Variants in ANGPTL6 observed in about 807,000 individuals in gnomAD.
The protein encoded by ANGPTL6 is angiopoietin like 6, also known as angiopoietin-related protein 6.
ANGPTL6 carries 45 observed loss-of-function variants against 47.4 expected under a neutral mutation model. The ratio of observed to expected loss-of-function variants is 0.95; its 90% CI spans 0.75 to 1.22. The LOEUF is 1.22. Among genes scored for constraint, ANGPTL6 ranks in the 50% most tolerant of loss-of-function variants. The probability of loss-of-function intolerance (pLI) is 0.00; values close to 1 mark genes in which losing one functional copy is unlikely to be tolerated. For synonymous variants in ANGPTL6, 290 were observed against 295.9 expected, an observed-to-expected ratio of 0.98 and a Z score of 0.20; for missense variants, 698 against 669.4, an observed-to-expected ratio of 1.04 and a Z score of -0.47.
rs147114043 is a variant in ANGPTL6 at position 10,099,159 on chromosome 19, C to T, written c.-10-2586G>A. The stretch of plus-strand genomic sequence containing the variant: ...ATCCTCAACCCCAGGTCTAGTCTCT[C>T]TGACAGCAGCCAGAGGGCGCCTGTG... On this transcript the variant is annotated intron_variant, in intron 1 of 5. Transcript: ENST00000253109. Among the ~76,000 whole-genome samples, 10 of 152,330 alleles carry T rather than the reference C, an allele frequency of 6.6e-5. No individual in the cohort carries two copies. The East Asian group carries it at 1.9e-3, about 29-fold the overall frequency.
chr19:10,093,547 C>A lies in ANGPTL6; in HGVS notation c.1024G>T (p.Asp342Tyr). The A allele has an allele frequency of 1.2e-6, 2 of 1,614,104 alleles. No homozygotes were observed. Among genetic ancestry groups the A allele is most frequent in the Non-Finnish European group, 1.7e-6 (2 of 1,179,998 alleles). ...TCCAGGAGAACCAGCAGCTCATGGT[C>A]CCCACGGCTGGTCAGCTGATACACG... ...EPVYQLTSRG[D>Y]HELLVLLEDW... The change falls in exon 5 of 6, where the codon GAC (aspartate) becomes TAC (tyrosine). Residue 342 changes from aspartate to tyrosine, a missense_variant. Physicochemically the swap from Asp to Tyr is radical, Grantham distance 160. Coordinates refer to ENST00000253109, the MANE Select transcript of ANGPTL6 (RefSeq NM_031917.3).
upstream of ANGPTL6, chr19:10,102,743 G>A (rs1373237356): frequency 2.0e-6 from 2 of 984,642 alleles, no homozygotes; most frequent in South Asian, 9.4e-5. Flanking sequence ...GAGTGGAGCT[G>A]GGATGCTGGG....
In ANGPTL6 at chr19:10,096,006, C is replaced by A; in HGVS notation, c.558G>T (p.Pro186=). Residue 186 remains proline, a synonymous_variant, in exon 2 of 6, where the codon CCG becomes CCT. Transcript: ENST00000253109. ...SLIARLERLC[P]GGAGGQQQVL... Reference sequence around the variant, plus strand: ...CCTGCTGCTGCCCGCCCGCGCCTCCCGGGCACAGGCGCTCCAGGCGGGCGA... The same window carrying A: ...CCTGCTGCTGCCCGCCCGCGCCTCCAGGGCACAGGCGCTCCAGGCGGGCGA... 7.4e-7 allele frequency: 1 copy of A among 1,352,072 alleles called. No homozygotes were observed. 83.8% of individuals were successfully genotyped at this position (1,352,072 alleles called of 1,614,324 possible). A position where few individuals can be genotyped will look rare whatever the true frequency, so the allele number is the denominator to read the frequency against.
upstream of ANGPTL6, among the ~76,000 whole-genome samples, chr19:10,103,834 C>T (rs923764288): frequency 1.3e-4 from 19 of 150,750 alleles, no homozygotes; most frequent in South Asian, 2.1e-4. Context: ...GTGGCTCACG[C>T]CTGTAATCCC....
intron 3 of ANGPTL6, 79 bp downstream of exon 3, chr19:10,094,679 A>T: frequency 1.3e-6 from 2 of 1,539,854 alleles, no homozygotes; most frequent in Non-Finnish European, 1.8e-6. Context: ...TCTTCTCACA[A>T]TGAGAGAAAT....
At chr19:10,106,057 A>G (rs2088812075), upstream of ANGPTL6, among the ~76,000 whole-genome samples, 1 of 152,184 alleles carries the variant, frequency 6.6e-6, no homozygotes, top group Non-Finnish European at 1.5e-5. Context: ...GGCCCGGGGG[A>G]CATTATCAGC....
At position 10,093,733 on chromosome 19, in the gene ANGPTL6, T is replaced by C; in HGVS notation, c.911A>G (p.Asp304Gly). Residue 304 changes from aspartate (D) to glycine (G), a missense_variant, in exon 4 of 6, where the codon GAT (aspartate) becomes GGT (glycine). Transcript: ENST00000253109. Reference protein sequence around the residue: ...GGWTVIQRRQDGSVNFFTTWQ... With the variant: ...GGWTVIQRRQGGSVNFFTTWQ... ...GGTAGTGAAGAAGTTGACTGAACCA[T>C]CTTGCCTCCGCTGGATCACAGTCCA... 6.2e-7 allele frequency: 1 copy of C among 1,614,244 alleles called. No homozygotes were observed. Among genetic ancestry groups the C allele is most frequent in the Non-Finnish European group, 8.5e-7 (1 of 1,180,042 alleles).
At chr19:10,106,135 G>A, upstream of ANGPTL6, 1 of 607,684 alleles carries the variant, frequency 1.6e-6, no homozygotes, top group Non-Finnish European at 2.8e-6. Flanking sequence ...GAGGAAATGG[G>A]CCGAAGCGGG....
In ANGPTL6 at chr19:10,096,050, T is replaced by A. The variant is rs1463676826; in HGVS notation, c.514A>T (p.Thr172Ser). 4.8e-6 allele frequency: 7 copies of A among 1,460,882 alleles called. No individual in the cohort carries two copies. The highest frequency in any genetic ancestry group is 6.3e-6 in the Non-Finnish European group (7 of 1,106,350). 90.5% of individuals were successfully genotyped at this position (1,460,882 alleles called of 1,614,324 possible). A position where few individuals can be genotyped will look rare whatever the true frequency, so the allele number is the denominator to read the frequency against. Residue 172 changes from threonine to serine, a missense_variant, in exon 2 of 6, where the codon ACC (threonine) becomes TCC (serine). Thr to Ser is a moderately conservative substitution (Grantham distance 58). Coordinates refer to ENST00000253109, the MANE Select transcript of ANGPTL6 (RefSeq NM_031917.3). ...CGGGCGATGAGACTGCTCTGCTGGG[T>A]GACGAGCTGCGCCAGCTCGCGGAAC... ...VKFRELAQLV[T>S]QQSSLIARLE...
chr19:10,106,176 C>T (rs917315634), upstream of ANGPTL6: 33 of 772,542 alleles, frequency 4.3e-5, no homozygotes, highest in Non-Finnish European at 6.1e-5. Context: ...TTCTCTGCAG[C>T]CCGGAGCCGC....
At position 10,101,933 on chromosome 19, in the gene ANGPTL6, G is replaced by A. The variant is rs1211799636; in HGVS notation, c.-11+635C>T. 7.7e-5 allele frequency among the ~76,000 whole-genome samples: 11 copies of A among 143,712 alleles called. 3 individuals are homozygous for A. Among genetic ancestry groups the A allele is most frequent in the Non-Finnish European group, 1.7e-4 (11 of 65,898 alleles). The allele number at this position is 143,712 out of a possible 152,430, so 94.3% of individuals were successfully genotyped here. On this transcript the variant is annotated intron_variant, in intron 1 of 5. Transcript: ENST00000253109. ...ATCCTGGCTAACACAGTGAAATTCC[G>A]TCTCTACTAAAAATACAAAAAAAAA...
At chr19:10,102,439 T>G in intron 1 of ANGPTL6, 129 bp downstream of exon 1, 13 of 440,260 alleles carry the variant, frequency 3.0e-5, no homozygotes, top group Non-Finnish European at 3.6e-5. Context: ...GGGACGTGTG[T>G]ATAACACCCG....
chr19:10,092,338 T>A lies in ANGPTL6; in HGVS notation c.*251A>T. The A allele has an allele frequency of 6.4e-7, 1 of 1,550,554 alleles. No individual in the cohort carries two copies. The highest frequency in any genetic ancestry group is 8.7e-7 in the Non-Finnish European group (1 of 1,148,348). Reference sequence around the variant, plus strand: ...GTGCAGATACAAACCAGACACGGTCTGTGGCTACTTTGTGTTATTATAAGA... The same window carrying A: ...GTGCAGATACAAACCAGACACGGTCAGTGGCTACTTTGTGTTATTATAAGA... On this transcript the variant is annotated 3_prime_UTR_variant, in exon 6 of 6. Coordinates refer to ENST00000253109, the MANE Select transcript of ANGPTL6 (RefSeq NM_031917.3).
intron 1 of ANGPTL6, among the ~76,000 whole-genome samples, chr19:10,097,855 AAAAAT>A (rs1249142098): frequency 2.0e-5 from 3 of 151,536 alleles, no homozygotes; most frequent in African/African-American, 7.3e-5. Context: ...TCCATCTCAA[AAAAAT>A]AAAATAAAAT....
Position 10,093,876 on chromosome 19 carries a change from C to T in ANGPTL6, c.768G>A (p.Pro256=), listed in dbSNP as rs768186743. 1.3e-5 allele frequency: 21 copies of T among 1,607,846 alleles called. No homozygotes were observed. The highest frequency in any genetic ancestry group is 6.7e-5 in the East Asian group (3 of 44,880). ...HPAVPTKPVG[P]WQDCAEARQA... ...GGCGGGCCTCTGCACAATCCTGCCA[C>T]GGGCCTGTGGGCACAGGGATAGGGG... Residue 256 remains proline (P), a synonymous_variant, in exon 4 of 6, where the codon CCG becomes CCA. Coordinates refer to ENST00000253109, the MANE Select transcript of ANGPTL6 (RefSeq NM_031917.3).
upstream of ANGPTL6, among the ~76,000 whole-genome samples, chr19:10,103,008 G>A (rs913618944): frequency 2.9e-4 from 44 of 151,890 alleles, no homozygotes; most frequent in African/African-American, 7.7e-4. Flanking sequence ...GGGACTTACC[G>A]TGTGTAGGGC....
Position 10,092,586 on chromosome 19 carries a change from G to A in ANGPTL6, c.*3C>T, listed in dbSNP as rs540641348. The stretch of plus-strand genomic sequence containing the variant: ...AGGGCCTAGGGGACAGAGGAACACA[G>A]AGTCACAGCTTCAGGGGCCGAATGA... On this transcript the variant is annotated 3_prime_UTR_variant, in exon 6 of 6. Coordinates refer to ENST00000253109, the MANE Select transcript of ANGPTL6 (RefSeq NM_031917.3). The A allele has an allele frequency of 7.5e-6, 12 of 1,599,954 alleles. No homozygotes were observed. In the East Asian group the frequency reaches 1.8e-4, roughly 24 times the overall value.
chr19:10,095,372 A>G (rs1390616265), intron 2 of ANGPTL6, among the ~76,000 whole-genome samples: 1 of 152,192 alleles, frequency 6.6e-6, no homozygotes, highest in Non-Finnish European at 1.5e-5. Context: ...AGATTGCACC[A>G]CTGCACTCCA....
chr19:10,103,004 T>C (rs2088720055), upstream of ANGPTL6, among the ~76,000 whole-genome samples: 1 of 151,758 alleles, frequency 6.6e-6, no homozygotes, highest in East Asian at 1.9e-4. Context: ...ACTGGGGACT[T>C]ACCGTGTGTA....
Sources: allele counts gnomAD v4.1 joint callset (sites outside exome capture counted in the v4.1 genomes callset), GRCh38; gene constraint gnomAD v4.1.1; transcripts MANE v1.5; gene names NCBI Gene and HGNC (gene_info 2026-07-23, HGNC 2026-07-21).